The following DLGAP2 variants were observed in gnomAD, a reference collection of about 807,000 sequenced individuals.
DLGAP2 encodes DLG associated protein 2, also known as disks large-associated protein 2.
A neutral mutation model predicts 100.3 loss-of-function variants in DLGAP2; 26 were observed. The ratio of observed to expected loss-of-function variants is 0.26; its 90% CI spans 0.19 to 0.36. The LOEUF is 0.36. Ranked by LOEUF, DLGAP2 falls within the 10% of genes least tolerant of loss-of-function variation. The pLI is 1.00. For synonymous variants in DLGAP2, 886 were observed against 630.1 expected, an observed-to-expected ratio of 1.41 and a Z score of -6.08; for missense variants, 1,858 against 1,453.2, an observed-to-expected ratio of 1.28 and a Z score of -4.53.
intron 3 of DLGAP2, among the ~76,000 whole-genome samples, chr8:1,496,417 G>A (rs181595332): frequency 6.6e-6 from 1 of 152,226 alleles, no homozygotes; most frequent in Non-Finnish European, 1.5e-5. Flanking sequence ...TTTCTGGAAG[G>A]TGTTGATGAT....
At chr8:1,298,640 G>C (rs568117172) in intron 3 of DLGAP2, among the ~76,000 whole-genome samples, 8 of 152,108 alleles carry the variant, frequency 5.3e-5, no homozygotes, top group Admixed American at 5.2e-4. Context: ...CGCTGAGCGT[G>C]TGGGACGGCT....
At chr8:1,266,597 A>T (rs778200390) in intron 3 of DLGAP2, among the ~76,000 whole-genome samples, 3 of 152,136 alleles carry the variant, frequency 2.0e-5, no homozygotes, top group African/African-American at 7.2e-5. Flanking sequence ...GGTCTGTCCA[A>T]TGCTGTTTAA....
At chr8:1,697,931 C>T (rs1339663921) in intron 14 of DLGAP2, among the ~76,000 whole-genome samples, 1 of 152,192 alleles carries the variant, frequency 6.6e-6, no homozygotes, top group Non-Finnish European at 1.5e-5. Flanking sequence ...GAGTTAGCAG[C>T]AAAGACATAG....
rs116960471 is a variant in DLGAP2 at position 1,601,809 on chromosome 8, G to T, written c.1443-24931G>T. Among the ~76,000 whole-genome samples, 606 of 152,196 alleles carry T rather than the reference G, an allele frequency of 4.0e-3. 4 individuals are homozygous for T. The highest frequency in any genetic ancestry group is 6.3e-3 in the Non-Finnish European group (428 of 68,012). On this transcript the variant is annotated intron_variant, in intron 6 of 14. Coordinates refer to ENST00000637795, the MANE Select transcript of DLGAP2 (RefSeq NM_001346810.2). ...GAGTTGCTGTTTCCTCTCCCTAAAT[G>T]GTTCCTCTCAATCCTTGCATAATTA...
Position 1,703,779 on chromosome 8 carries a change from G to A in DLGAP2, c.*2373G>A, listed in dbSNP as rs1338228976. 5 of 152,414 alleles carry A rather than the reference G, an allele frequency of 3.3e-5. No homozygotes were observed. Among genetic ancestry groups the A allele is most frequent in the Non-Finnish European group, 5.9e-5 (4 of 68,024 alleles). 9.4% of individuals were successfully genotyped at this position (152,414 alleles called of 1,614,324 possible). A position where few individuals can be genotyped will look rare whatever the true frequency, so the allele number is the denominator to read the frequency against. ...CATGTAGGTTGATTTCTTATGTTTT[G>A]TAGACTCATTGTTATTTTTCAATCC... On this transcript the variant is annotated 3_prime_UTR_variant, in exon 15 of 15. Coordinates refer to ENST00000637795, the MANE Select transcript of DLGAP2 (RefSeq NM_001346810.2).
At chr8:802,685 C>G (rs1309975899) in intron 1 of DLGAP2, among the ~76,000 whole-genome samples, 2 of 152,104 alleles carry the variant, frequency 1.3e-5, no homozygotes, top group Non-Finnish European at 2.9e-5. Context: ...GATCGCCGCC[C>G]TGCATGGAAT....
chr8:1,160,945 C>T (rs1796877489), intron 2 of DLGAP2, among the ~76,000 whole-genome samples: 1 of 152,172 alleles, frequency 6.6e-6, no homozygotes, highest in African/African-American at 2.4e-5. Flanking sequence ...TATTTTACCC[C>T]ATAGCTGTGG....
At chr8:1,055,559 C>T (rs1802856787) in intron 2 of DLGAP2, among the ~76,000 whole-genome samples, 1 of 152,270 alleles carries the variant, frequency 6.6e-6, no homozygotes, top group African/African-American at 2.4e-5. Context: ...TTTAATGGCC[C>T]TACTAATGTT....
At chr8:1,460,562 G>A (rs868385495) in intron 3 of DLGAP2, among the ~76,000 whole-genome samples, 2 of 152,088 alleles carry the variant, frequency 1.3e-5, no homozygotes, top group African/African-American at 4.8e-5. Context: ...GTGACTCGAC[G>A]GTCTCTTCAC....
chr8:1,513,656 G>A (rs1076302), intron 4 of DLGAP2, among the ~76,000 whole-genome samples: 25,868 of 152,186 alleles, frequency 0.17, 2,398 homozygotes, highest in Non-Finnish European at 0.19. Context: ...ATGTAAGCTC[G>A]TTGGGAACTG....
chr8:1,208,657 G>A (rs1254486190), intron 2 of DLGAP2, among the ~76,000 whole-genome samples: 4 of 151,984 alleles, frequency 2.6e-5, no homozygotes, highest in Admixed American at 2.0e-4. Context: ...GAAATTAAGG[G>A]CATCCAAATT....
chr8:903,208 G>A (rs558701926), intron 1 of DLGAP2, among the ~76,000 whole-genome samples: 1 of 152,040 alleles, frequency 6.6e-6, no homozygotes, highest in Non-Finnish European at 1.5e-5. Flanking sequence ...GTCACAGGTT[G>A]GTTGGGGCCA....
chr8:1,670,126 C>T (rs1298543948), intron 10 of DLGAP2, among the ~76,000 whole-genome samples: 1 of 152,182 alleles, frequency 6.6e-6, no homozygotes, highest in Non-Finnish European at 1.5e-5. Flanking sequence ...ACACTCCCAC[C>T]CTCTCTCTTT....
At chr8:1,499,631 TGAA>T (rs147787154) in intron 3 of DLGAP2, among the ~76,000 whole-genome samples, 2,102 of 152,334 alleles carry the variant, frequency 0.014, 24 homozygotes, top group Middle Eastern at 0.024. Context: ...CTGTTAGCCT[TGAA>T]GAAATGGGGT....
chr8:1,252,773 G>A (rs900869465), intron 2 of DLGAP2, among the ~76,000 whole-genome samples: 3 of 152,280 alleles, frequency 2.0e-5, no homozygotes, highest in Non-Finnish European at 2.9e-5. Flanking sequence ...GCGGCCGGAT[G>A]TGGTGCCTCC....
intron 3 of DLGAP2, among the ~76,000 whole-genome samples, chr8:1,493,824 C>T (rs563085580): frequency 2.0e-5 from 3 of 152,320 alleles, no homozygotes; most frequent in African/African-American, 4.8e-5. Flanking sequence ...GGACGCGGCA[C>T]GACCCTGCTT....
chr8:1,092,553 C>T (rs1001615954), intron 2 of DLGAP2, among the ~76,000 whole-genome samples: 10 of 152,176 alleles, frequency 6.6e-5, no homozygotes, highest in African/African-American at 1.9e-4. Flanking sequence ...GGGCTGTGGC[C>T]GGCTCTGTGG....
At chr8:1,413,990 G>T (rs779576556) in intron 3 of DLGAP2, among the ~76,000 whole-genome samples, 1 of 152,172 alleles carries the variant, frequency 6.6e-6, no homozygotes, top group African/African-American at 2.4e-5. Context: ...GTGATTGAAA[G>T]CAAATAGTCA....
intron 3 of DLGAP2, among the ~76,000 whole-genome samples, chr8:1,316,004 G>A (rs1346876886): frequency 5.6e-5 from 7 of 124,832 alleles, no homozygotes; most frequent in South Asian, 2.9e-4. Context: ...CGAGTGCAGC[G>A]TCTCTCCAAC....
Sources: gnomAD v4.1 joint callset for allele counts (sites outside exome capture counted in the v4.1 genomes callset) on GRCh38, gnomAD v4.1.1 for gene constraint, MANE v1.5 for transcripts, NCBI Gene and HGNC (gene_info 2026-07-23, HGNC 2026-07-21) for gene names.